The following FAM216A variants were observed in gnomAD, a reference collection of about 807,000 sequenced individuals.
The protein encoded by FAM216A is protein FAM216A.
In FAM216A, 26 loss-of-function variants were observed where a neutral mutation model predicts 37.6. The observed-to-expected ratio is 0.69, with a 90% CI of 0.51 to 0.96. The LOEUF is 0.96. Ranked by LOEUF, FAM216A falls within the 40% of genes least tolerant of loss-of-function variation. The pLI, the probability that FAM216A is intolerant of heterozygous loss-of-function variation, is 0.00. For synonymous variants in FAM216A, 110 were observed against 121.7 expected (o/e 0.90, Z 0.64); for missense variants, 326 against 339.3 (o/e 0.96, Z 0.31).
chr12:110,475,925 T>C (rs1050017183), intron 2 of FAM216A, among the ~76,000 whole-genome samples: 7 of 151,776 alleles, frequency 4.6e-5, no homozygotes, highest in Non-Finnish European at 7.4e-5. Context: ...TTAGTAGAGA[T>C]AGGAGTCTTG....
At chr12:110,476,497 C>T (rs944277919) in intron 2 of FAM216A, among the ~76,000 whole-genome samples, 11 of 151,528 alleles carry the variant, frequency 7.3e-5, no homozygotes, top group South Asian at 6.3e-4. Flanking sequence ...TGTGAGCCAC[C>T]GCGCCTGGCC....
intron 2 of FAM216A, among the ~76,000 whole-genome samples, chr12:110,473,579 C>A (rs1337795189): frequency 6.6e-6 from 1 of 152,110 alleles, no homozygotes; most frequent in Non-Finnish European, 1.5e-5. Flanking sequence ...TTTCAAAGAG[C>A]AATCAGGGAG....
At chr12:110,476,895 T>TG (rs2062717749) in intron 2 of FAM216A, among the ~76,000 whole-genome samples, 1 of 151,522 alleles carries the variant, frequency 6.6e-6, no homozygotes, top group Non-Finnish European at 1.5e-5. Context: ...CTCACCCTGT[T>TG]GCCCAGGCTG....
rs767594170 is a variant in FAM216A, at chr12:110,488,197, G to A, written c.703+254G>A. Among the ~76,000 whole-genome samples, 81 of 152,118 alleles carry A rather than the reference G, an allele frequency of 5.3e-4. No individual in the cohort carries two copies. The Middle Eastern group carries it at 0.01, about 19-fold the overall frequency. ...GGCCGAGTCAGGCAGATCACCTGAG[G>A]TCAAGAGTTCGAGACCCGCCTGGCC... On this transcript the variant is annotated intron_variant, in intron 6 of 6. Transcript: ENST00000377673.
intron 6 of FAM216A, 36 bp from the exon 7 acceptor site, chr12:110,489,982 CA>C: frequency 2.0e-6 from 2 of 1,024,304 alleles, no homozygotes; most frequent in Non-Finnish European, 1.5e-6. Flanking sequence ...GCTTTATTTC[CA>C]AAACAGACAA....
At chr12:110,481,976 C>A in intron 2 of FAM216A, among the ~76,000 whole-genome samples, 1 of 152,002 alleles carries the variant, frequency 6.6e-6, no homozygotes, top group Non-Finnish European at 1.5e-5. Flanking sequence ...ATCCAACTTG[C>A]CAAAATCTTG....
At chr12:110,469,118 C>T in intron 1 of FAM216A, 100 bp downstream of exon 1, 1 of 1,288,974 alleles carries the variant, frequency 7.8e-7, no homozygotes, top group African/African-American at 1.6e-5. Flanking sequence ...CGGCCGACCT[C>T]TCGTCTCGGG....
chr12:110,472,704 G>C (rs1565849473), intron 1 of FAM216A, among the ~76,000 whole-genome samples: 2 of 152,038 alleles, frequency 1.3e-5, no homozygotes, highest in African/African-American at 4.8e-5. Flanking sequence ...AAATATGTTG[G>C]TTGGGTGCAG....
Position 110,486,584 on chromosome 12 carries a change from C to A in FAM216A, c.487C>A (p.Gln163Lys). The change falls in exon 5 of 7, where the codon CAG becomes AAG. Residue 163 changes from glutamine (Q) to lysine (K), a missense_variant. Transcript: ENST00000377673. ...SRLSSRYSQK[Q>K]HYPCTTWRHQ... is the part of the protein sequence containing the mutation. The stretch of plus-strand genomic sequence containing the variant: ...CCTTAGCTCCCGTTACTCACAGAAA[C>A]AGCATTACCCTTGCACTACATGGCG... 6.2e-7 allele frequency: 1 copy of A among 1,614,102 alleles called. No individual in the cohort carries two copies. Among genetic ancestry groups the A allele is most frequent in the Non-Finnish European group, 8.5e-7 (1 of 1,180,000 alleles).
Position 110,487,959 on chromosome 12 carries a change from TA to T in FAM216A, c.703+18del. On this transcript the variant is annotated intron_variant, in intron 6 of 6. Transcript: ENST00000377673. ...ATGCAAACAGGTAAATGTGGAAATT[TA>T]ACAATATTCATTTTTTAAGATCTTA... 6.8e-7 allele frequency: 1 copy of T among 1,460,160 alleles called. No individual in the cohort carries two copies. Among genetic ancestry groups the T allele is most frequent in the Non-Finnish European group, 9.5e-7 (1 of 1,050,454 alleles). The allele number at this position is 1,460,160 out of a possible 1,614,324, so 90.5% of individuals were successfully genotyped here. A position where few individuals can be genotyped will look rare whatever the true frequency, so the allele number is the denominator to read the frequency against.
At chr12:110,488,014 T>C in intron 6 of FAM216A, 71 bp downstream of exon 6, 2 of 865,184 alleles carry the variant, frequency 2.3e-6, no homozygotes, top group Non-Finnish European at 3.8e-6. Flanking sequence ...CAAATACAAT[T>C]TCATTTCTAT....
At chr12:110,468,727 C>T (rs2062656993), upstream of FAM216A, 1 of 1,498,764 alleles carries the variant, frequency 6.7e-7, no homozygotes, top group Non-Finnish European at 8.9e-7. Context: ...CCTCCCCCAC[C>T]GTAACTCCGG....
chr12:110,469,482 G>A (rs981346634), intron 1 of FAM216A, among the ~76,000 whole-genome samples: 10 of 152,110 alleles, frequency 6.6e-5, no homozygotes, highest in African/African-American at 2.2e-4. Flanking sequence ...CTGTCAAACG[G>A]GGATTTCTTT....
At chr12:110,474,691 CAAAAAAAAAA>C (rs34479591) in intron 2 of FAM216A, among the ~76,000 whole-genome samples, 39 of 44,858 alleles carry the variant, frequency 8.7e-4, no homozygotes, top group African/African-American at 2.0e-3. Flanking sequence ...GACTCTGTCT[CAAAAAAAAAA>C]AAAAAAAAAA....
chr12:110,490,054 GA>G lies in FAM216A; in HGVS notation c.746del (p.Lys249ArgfsTer6). The G allele has an allele frequency of 9.1e-6, 14 of 1,539,370 alleles. No homozygotes were observed. Among genetic ancestry groups the G allele is most frequent in the Non-Finnish European group, 1.1e-5 (12 of 1,112,956 alleles). Reference protein sequence around the residue: ...SDDSESHMSEEKKEEDLLNNF... With the variant: ...SDDSESHMSEXKKEEDLLNNF... Reference sequence around the variant, plus strand: ...TGATTCTGAATCACACATGAGTGAAGAAAAAAAGGAAGAAGATTTACTAAAT... The same window carrying G: ...TGATTCTGAATCACACATGAGTGAAGAAAAAAGGAAGAAGATTTACTAAAT... On this transcript the variant is annotated frameshift_variant, in exon 7 of 7. Coordinates refer to ENST00000377673, the MANE Select transcript of FAM216A (RefSeq NM_013300.3). LOFTEE classifies it high-confidence loss of function.
intron 2 of FAM216A, 86 bp downstream of exon 2, chr12:110,473,204 G>GT (rs1236736879): frequency 1.2e-5 from 8 of 676,210 alleles, no homozygotes; most frequent in South Asian, 2.2e-5. Flanking sequence ...ACACAATAGA[G>GT]TTTTTTTCTT....
chr12:110,484,476 A>G (rs941567639), intron 2 of FAM216A, among the ~76,000 whole-genome samples: 7 of 149,528 alleles, frequency 4.7e-5, no homozygotes, highest in Middle Eastern at 3.5e-3. Flanking sequence ...AAGTTAAATG[A>G]TAATAAAATA....
At chr12:110,473,237 A>C in intron 2 of FAM216A, 119 bp downstream of exon 2, 1 of 429,998 alleles carries the variant, frequency 2.3e-6, no homozygotes, top group Non-Finnish European at 4.3e-6. Context: ...TTTGAGATGG[A>C]GTCTCACTCT....
In FAM216A at chr12:110,468,933, G is replaced by C. The variant is rs955240681; in HGVS notation, c.58G>C (p.Gly20Arg). The C allele has an allele frequency of 2.0e-6, 3 of 1,523,996 alleles. No homozygotes were observed. The highest frequency in any genetic ancestry group is 2.6e-6 in the Non-Finnish European group (3 of 1,138,624). 94.4% of individuals were successfully genotyped at this position (1,523,996 alleles called of 1,614,324 possible). A position where few individuals can be genotyped will look rare whatever the true frequency, so the allele number is the denominator to read the frequency against. The change falls in exon 1 of 7, where the codon GGC (glycine) becomes CGC (arginine). Residue 20 changes from glycine to arginine, a missense_variant. Physicochemically the swap from Gly to Arg is moderately radical, Grantham distance 125 (BLOSUM62 -2). Transcript: ENST00000377673. ...ARGLGAAEMP[G>R]QGPGSDWTER... Reference sequence around the variant, plus strand: ...CGGTCTCGGCGCCGCGGAGATGCCCGGCCAGGGTCCGGGGTCCGACTGGAC... The same window carrying C: ...CGGTCTCGGCGCCGCGGAGATGCCCCGCCAGGGTCCGGGGTCCGACTGGAC...
Sources: gnomAD v4.1 joint callset for allele counts (sites outside exome capture counted in the v4.1 genomes callset) on GRCh38, gnomAD v4.1.1 for gene constraint, MANE v1.5 for transcripts, NCBI Gene and HGNC (gene_info 2026-07-23, HGNC 2026-07-21) for gene names.